Variants in ACOT12 observed in about 807,000 individuals in gnomAD.
ACOT12 encodes acetyl-coenzyme A thioesterase.
A neutral mutation model predicts 67.7 loss-of-function variants in ACOT12; 51 were observed. The ratio of observed to expected loss-of-function variants is 0.75; its 90% CI spans 0.60 to 0.95. The LOEUF is 0.95. Ranked by LOEUF, ACOT12 falls within the 40% of genes least tolerant of loss-of-function variation. The pLI is 0.00. For synonymous variants in ACOT12, 251 were observed against 244.6 expected (o/e 1.03, Z -0.24); for missense variants, 734 against 708.1 (o/e 1.04, Z -0.41).
the ACOT12 span, among the ~76,000 whole-genome samples, chr5:81,318,445 A>C: frequency 1.1e-4 from 17 of 152,120 alleles, no homozygotes; most frequent in African/African-American, 4.1e-4. Flanking sequence ...ATAGCTTTGT[A>C]CTAAGTTTTG....
intron 7 of ACOT12, among the ~76,000 whole-genome samples, chr5:81,345,400 A>G (rs952905338): frequency 6.6e-6 from 1 of 152,206 alleles, no homozygotes; most frequent in Non-Finnish European, 1.5e-5. Flanking sequence ...TAATTCTGTA[A>G]TTAAAAAATA....
At chr5:81,376,417 A>G (rs919034945) in intron 2 of ACOT12, among the ~76,000 whole-genome samples, 1 of 151,644 alleles carries the variant, frequency 6.6e-6, no homozygotes, top group Non-Finnish European at 1.5e-5. Context: ...CCCTAACATC[A>G]CAATTAAAAG....
At chr5:81,388,678 T>C (rs1213231207) in intron 1 of ACOT12, among the ~76,000 whole-genome samples, 2 of 152,188 alleles carry the variant, frequency 1.3e-5, no homozygotes, top group African/African-American at 2.4e-5. Flanking sequence ...TGGAGTCTAG[T>C]GGATGAGCTA....
At chr5:81,311,331 G>A in the ACOT12 span, 17 of 1,550,808 alleles carry the variant, frequency 1.1e-5, no homozygotes, top group Admixed American at 3.4e-5. Flanking sequence ...ATTCCTCTGC[G>A]TTTTATTCTG....
At chr5:81,318,235 A>G in the ACOT12 span, among the ~76,000 whole-genome samples, 3 of 152,118 alleles carry the variant, frequency 2.0e-5, no homozygotes, top group African/African-American at 2.4e-5. Context: ...AGGGAATCCA[A>G]CATCATGTTT....
intron 2 of ACOT12, among the ~76,000 whole-genome samples, chr5:81,382,003 T>C (rs1760596538): frequency 6.6e-6 from 1 of 152,214 alleles, no homozygotes; most frequent in Non-Finnish European, 1.5e-5. Context: ...ATATTGGTAC[T>C]GTTATTCTGA....
intron 5 of ACOT12, among the ~76,000 whole-genome samples, chr5:81,352,501 G>A (rs1298728254): frequency 6.6e-6 from 1 of 152,172 alleles, no homozygotes; most frequent in Non-Finnish European, 1.5e-5. Context: ...ATAAGGCACA[G>A]AAAGACAAAC....
At chr5:81,376,351 G>A (rs1220761091) in intron 2 of ACOT12, among the ~76,000 whole-genome samples, 1 of 151,828 alleles carries the variant, frequency 6.6e-6, no homozygotes, top group Non-Finnish European at 1.5e-5. Flanking sequence ...TGTGTAGAGA[G>A]AAATTTATAG....
chr5:81,313,503 T>C, the ACOT12 span, among the ~76,000 whole-genome samples: 3 of 152,246 alleles, frequency 2.0e-5, no homozygotes, highest in Non-Finnish European at 2.9e-5. Context: ...AAGATGGAAG[T>C]ATCACCATAA....
intron 3 of ACOT12, among the ~76,000 whole-genome samples, chr5:81,369,630 G>C (rs944139299): frequency 6.6e-6 from 1 of 152,180 alleles, no homozygotes; most frequent in Non-Finnish European, 1.5e-5. Context: ...GTGGAGGCTA[G>C]GGTTTACTTT....
Position 81,347,842 on chromosome 5 carries a change from G to T in ACOT12, c.585C>A (p.Asn195Lys). The T allele has an allele frequency of 6.2e-7, 1 of 1,614,184 alleles. No individual in the cohort carries two copies. The change falls in exon 6 of 15, where the codon AAC becomes AAA. Residue 195 changes from asparagine to lysine, a missense_variant. Coordinates refer to ENST00000307624, the MANE Select transcript of ACOT12 (RefSeq NM_130767.3). ...SIELVLPPHA[N>K]HHGNTFGGQI... ...GGCCACCAAATGTATTTCCGTGATGGTTTGCATGGGGTGGGAGGACCAGTT... is the reference window on the plus strand; with the variant it reads ...GGCCACCAAATGTATTTCCGTGATGTTTTGCATGGGGTGGGAGGACCAGTT...
chr5:81,358,446 T>A (rs913877236), intron 5 of ACOT12, among the ~76,000 whole-genome samples: 1 of 152,246 alleles, frequency 6.6e-6, no homozygotes, highest in Non-Finnish European at 1.5e-5. Flanking sequence ...TTTCATTACT[T>A]GAGCAACATG....
Position 81,330,131 on chromosome 5 carries a change from A to G in ACOT12, c.*263T>C. ...CATTTTATAGAACACATAGTACTGC[A>G]TACAGGCAATTTTCCACTATCTGTG... On this transcript the variant is annotated 3_prime_UTR_variant, in exon 15 of 15. Coordinates refer to ENST00000307624, the MANE Select transcript of ACOT12 (RefSeq NM_130767.3). 2.9e-6 allele frequency: 1 copy of G among 341,240 alleles called. No individual in the cohort carries two copies. The highest frequency in any genetic ancestry group is 4.5e-5 in the East Asian group (1 of 22,252). The allele number at this position is 341,240 out of a possible 1,614,324, so 21.1% of individuals were successfully genotyped here.
At chr5:81,393,372 G>A (rs999139525) in intron 1 of ACOT12, among the ~76,000 whole-genome samples, 7 of 151,962 alleles carry the variant, frequency 4.6e-5, no homozygotes, top group Admixed American at 1.3e-4. Context: ...TTTCCATTAC[G>A]GTAAATGTGA....
At chr5:81,357,658 A>G (rs1259225812) in intron 5 of ACOT12, among the ~76,000 whole-genome samples, 2 of 152,104 alleles carry the variant, frequency 1.3e-5, no homozygotes, top group African/African-American at 4.8e-5. Context: ...TGACTTGGAG[A>G]GGATGAAAGC....
the ACOT12 span, chr5:81,311,172 A>G: frequency 1.2e-6 from 2 of 1,611,040 alleles, no homozygotes. Context: ...ACCCCTTGCA[A>G]GTATGAGATG....
intron 2 of ACOT12, among the ~76,000 whole-genome samples, chr5:81,376,553 T>C (rs889095964): frequency 1.3e-5 from 2 of 151,956 alleles, no homozygotes; most frequent in African/African-American, 4.8e-5. Context: ...ATCCAGAAGC[T>C]GTTTTTCTGA....
intron 4 of ACOT12, among the ~76,000 whole-genome samples, chr5:81,361,570 CT>C (rs1316565735): frequency 1.3e-5 from 2 of 152,074 alleles, no homozygotes; most frequent in African/African-American, 2.4e-5. Context: ...GCTTGGTAAA[CT>C]TGTGTGTTGG....
chr5:81,317,835 G>A, the ACOT12 span, among the ~76,000 whole-genome samples: 19 of 151,764 alleles, frequency 1.3e-4, no homozygotes. Flanking sequence ...TATCACCAAG[G>A]TCTGGTTTTC....
Sources: allele counts gnomAD v4.1 joint callset (sites outside exome capture counted in the v4.1 genomes callset), GRCh38; gene constraint gnomAD v4.1.1; transcripts MANE v1.5; gene names NCBI Gene and HGNC (gene_info 2026-07-23, HGNC 2026-07-21).